ESR1: variants seen among roughly 807,000 people sequenced by gnomAD.
The protein encoded by ESR1 is estrogen receptor 1.
A neutral mutation model predicts 52.7 loss-of-function variants in ESR1; 12 were observed. The ratio of observed to expected loss-of-function variants is 0.23; its 90% CI spans 0.15 to 0.37. The LOEUF (loss-of-function observed/expected upper bound fraction) is 0.37. Ranked by LOEUF, ESR1 falls within the 10% of genes least tolerant of loss-of-function variation. ESR1 has a pLI of 1.00. For synonymous variants in ESR1, 305 were observed against 316.8 expected, an observed-to-expected ratio of 0.96 and a Z score of 0.39; for missense variants, 584 against 779.7, an observed-to-expected ratio of 0.75 and a Z score of 2.99.
chr6:152,076,492 T>C (rs537832888), intron 6 of ESR1, among the ~76,000 whole-genome samples: 4 of 152,278 alleles, frequency 2.6e-5, no homozygotes, highest in African/African-American at 9.6e-5. Flanking sequence ...GCTGAAAAGA[T>C]AGCCGAAAAT....
chr6:151,694,875 T>C (rs1323278890), intron 1 of ESR1, among the ~76,000 whole-genome samples: 1 of 151,894 alleles, frequency 6.6e-6, no homozygotes, highest in Non-Finnish European at 1.5e-5. Flanking sequence ...ACTAAGTGAA[T>C]GAGGGTTCAC....
intron 4 of ESR1, among the ~76,000 whole-genome samples, chr6:151,958,985 T>TGTGTGTGTGTGTGTGTGTGTGC (rs2037333041): frequency 1.3e-5 from 2 of 151,990 alleles, no homozygotes; most frequent in African/African-American, 4.8e-5. Context: ...TGTGTGTGTG[T>TGTGTGTGTGTGTGTGTGTGTGC]GTGTGTGTGC....
chr6:151,899,803 G>T (rs1352705988), intron 3 of ESR1, among the ~76,000 whole-genome samples: 4 of 151,196 alleles, frequency 2.6e-5, no homozygotes, highest in Non-Finnish European at 4.4e-5. Flanking sequence ...ACGATGGGCG[G>T]CAGGGCAGAG....
At chr6:152,015,999 C>T (rs1234151712) in intron 5 of ESR1, among the ~76,000 whole-genome samples, 2 of 152,096 alleles carry the variant, frequency 1.3e-5, no homozygotes, top group Non-Finnish European at 2.9e-5. Context: ...GTAATAATCC[C>T]CAGGTGTCAA....
intron 1 of ESR1, among the ~76,000 whole-genome samples, chr6:151,682,072 T>A (rs1284373151): frequency 1.3e-5 from 2 of 152,202 alleles, no homozygotes; most frequent in Non-Finnish European, 2.9e-5. Flanking sequence ...AGGAAAACTG[T>A]TTATCGGATG....
intron 2 of ESR1, among the ~76,000 whole-genome samples, chr6:151,773,105 CA>C (rs1365425952): frequency 2.0e-5 from 3 of 152,136 alleles, no homozygotes; most frequent in Admixed American, 2.0e-4. Flanking sequence ...TAGGGTTGGC[CA>C]GTCCTTTTTA....
At chr6:152,006,839 A>AT (rs200108160) in intron 4 of ESR1, among the ~76,000 whole-genome samples, 9 of 151,680 alleles carry the variant, frequency 5.9e-5, no homozygotes, top group South Asian at 2.1e-4. Flanking sequence ...GGAAACCAAT[A>AT]TTTTTTTTTC....
intron 4 of ESR1, among the ~76,000 whole-genome samples, chr6:152,007,512 TTC>T (rs919931951): frequency 1.2e-4 from 19 of 152,150 alleles, no homozygotes; most frequent in African/African-American, 4.1e-4. Flanking sequence ...TTTAAGGCAT[TTC>T]TCTCTGTTTT....
intron 2 of ESR1, among the ~76,000 whole-genome samples, chr6:151,798,414 A>G (rs1395931888): frequency 2.0e-5 from 3 of 152,314 alleles, no homozygotes; most frequent in Middle Eastern, 3.4e-3. Context: ...CATTTATTAG[A>G]ATTTGGTATA....
At chr6:152,000,543 CAAA>C (rs2041865666) in intron 4 of ESR1, among the ~76,000 whole-genome samples, 1 of 151,852 alleles carries the variant, frequency 6.6e-6, no homozygotes, top group South Asian at 2.1e-4. Context: ...ATTCCCTGAG[CAAA>C]TTAGAGCCCA....
chr6:151,700,011 A>C (rs971503945), intron 1 of ESR1, among the ~76,000 whole-genome samples: 1 of 152,116 alleles, frequency 6.6e-6, no homozygotes, highest in East Asian at 1.9e-4. Context: ...CCACAGTCCA[A>C]ATTTACTGAA....
intron 1 of ESR1, among the ~76,000 whole-genome samples, chr6:151,659,502 C>G (rs1777566289): frequency 6.6e-6 from 1 of 152,182 alleles, no homozygotes; most frequent in Non-Finnish European, 1.5e-5. Context: ...CACTGAGTTT[C>G]TCATAGCCTT....
chr6:151,716,185 C>A (rs1781017145), intron 2 of ESR1, among the ~76,000 whole-genome samples: 1 of 152,174 alleles, frequency 6.6e-6, no homozygotes, highest in Admixed American at 6.5e-5. Flanking sequence ...AGATTGCTGC[C>A]TGTTCCTTCC....
intron 2 of ESR1, among the ~76,000 whole-genome samples, chr6:151,791,150 A>C (rs1441745635): frequency 6.6e-6 from 1 of 152,108 alleles, no homozygotes; most frequent in Non-Finnish European, 1.5e-5. Flanking sequence ...TGACTTTATC[A>C]GCTGTGTGGT....
chr6:151,961,978 C>T (rs2037727909), intron 4 of ESR1, among the ~76,000 whole-genome samples: 1 of 151,848 alleles, frequency 6.6e-6, no homozygotes, highest in Admixed American at 6.6e-5. Context: ...AAGAAAGGGA[C>T]CAGGAAGTGG....
intron 3 of ESR1, among the ~76,000 whole-genome samples, chr6:151,898,895 G>C (rs373547498): frequency 1.3e-5 from 2 of 152,038 alleles, no homozygotes; most frequent in Non-Finnish European, 2.9e-5. Flanking sequence ...ATCATGGCCC[G>C]TTCTCAATGA....
intron 4 of ESR1, among the ~76,000 whole-genome samples, chr6:151,949,031 AACTAG>A (rs2036030972): frequency 6.6e-6 from 1 of 152,264 alleles, no homozygotes; most frequent in African/African-American, 2.4e-5. Context: ...TTTTCCCATA[AACTAG>A]AACTGCTCTC....
chr6:151,903,747 G>A (rs1797038406), intron 3 of ESR1, among the ~76,000 whole-genome samples: 1 of 152,178 alleles, frequency 6.6e-6, no homozygotes, highest in Non-Finnish European at 1.5e-5. Context: ...TGCCCAGCTG[G>A]CTGCTTGGCA....
chr6:151,801,051 G>GGTGGGT (rs1777190112), upstream of ESR1, among the ~76,000 whole-genome samples: 1 of 147,612 alleles, frequency 6.8e-6, no homozygotes, highest in African/African-American at 2.5e-5. Context: ...TTGATTATGT[G>GGTGGGT]GTGTGTGTGT....
Sources: gnomAD v4.1 joint callset for allele counts (sites outside exome capture counted in the v4.1 genomes callset) on GRCh38, gnomAD v4.1.1 for gene constraint, MANE v1.5 for transcripts, NCBI Gene and HGNC (gene_info 2026-07-23, HGNC 2026-07-21) for gene names.